Variants in PGCKA1 observed in about 807,000 individuals in gnomAD.
PGCKA1 encodes the protein PDCD10 and GCKIII kinases associated 1, also known as PDCD10 and GCKIII kinases-associated protein 1.
chr4:37,456,503 A>G, the PGCKA1 span, among the ~76,000 whole-genome samples: 2 of 152,248 alleles, frequency 1.3e-5, no homozygotes, highest in Admixed American at 1.3e-4. Flanking sequence ...TGTAGAAAAG[A>G]TGTTCCAGAG....
chr4:37,590,321 C>T, the PGCKA1 span: 2 of 1,613,712 alleles, frequency 1.2e-6, no homozygotes, highest in South Asian at 1.1e-5. Flanking sequence ...CAGGGGGACG[C>T]TGGAGGGGAA....
chr4:37,514,774 C>G, the PGCKA1 span, among the ~76,000 whole-genome samples: 1 of 152,224 alleles, frequency 6.6e-6, no homozygotes, highest in African/African-American at 2.4e-5. Context: ...TCCTACCCCA[C>G]TTGGCATTAG....
chr4:37,466,838 C>T, the PGCKA1 span, among the ~76,000 whole-genome samples: 1 of 152,188 alleles, frequency 6.6e-6, no homozygotes, highest in Non-Finnish European at 1.5e-5. Context: ...TGGCTTATAC[C>T]TGTAATCCCA....
At chr4:37,479,527 A>G in the PGCKA1 span, among the ~76,000 whole-genome samples, 1 of 152,240 alleles carries the variant, frequency 6.6e-6, no homozygotes, top group African/African-American at 2.4e-5. Context: ...TTCAGTAGGA[A>G]CAAGTATAAT....
the PGCKA1 span, among the ~76,000 whole-genome samples, chr4:37,492,546 C>T: frequency 6.6e-6 from 1 of 152,148 alleles, no homozygotes; most frequent in East Asian, 1.9e-4. This position sits in a 1 kb window ranked among gnomAD's most constrained non-coding sequence, Gnocchi z 4.7. Flanking sequence ...GACCTTGCTG[C>T]CAGGAGGTGA....
the PGCKA1 span, among the ~76,000 whole-genome samples, chr4:37,529,728 T>A: frequency 1.3e-5 from 2 of 152,188 alleles, no homozygotes; most frequent in Non-Finnish European, 2.9e-5. Flanking sequence ...GCTGGCTCTT[T>A]CATCGGTGTT....
the PGCKA1 span, among the ~76,000 whole-genome samples, chr4:37,556,254 T>G: frequency 1.8e-5 from 2 of 114,282 alleles, no homozygotes; most frequent in African/African-American, 3.7e-5. Flanking sequence ...CTTTTTCTTT[T>G]TTTTGTTTTG....
the PGCKA1 span, among the ~76,000 whole-genome samples, chr4:37,580,623 G>T: frequency 6.6e-6 from 1 of 152,192 alleles, no homozygotes; most frequent in African/African-American, 2.4e-5. Flanking sequence ...TTCTCTCTCT[G>T]TACTGAGCCA....
chr4:37,549,002 A>G, the PGCKA1 span, among the ~76,000 whole-genome samples: 1 of 152,182 alleles, frequency 6.6e-6, no homozygotes, highest in Non-Finnish European at 1.5e-5. Flanking sequence ...CCAGGATTCT[A>G]CAGCCTGGAG....
At chr4:37,503,406 C>T in the PGCKA1 span, among the ~76,000 whole-genome samples, 1 of 152,154 alleles carries the variant, frequency 6.6e-6, no homozygotes, top group Admixed American at 6.5e-5. Context: ...TCAGTGACAG[C>T]TGTTCCACCT....
the PGCKA1 span, among the ~76,000 whole-genome samples, chr4:37,587,242 C>G: frequency 3.3e-5 from 5 of 152,134 alleles, no homozygotes; most frequent in Non-Finnish European, 7.3e-5. Flanking sequence ...AGAGTCCACC[C>G]AGATAAACTA....
At chr4:37,536,571 C>T in the PGCKA1 span, among the ~76,000 whole-genome samples, 1 of 152,134 alleles carries the variant, frequency 6.6e-6, no homozygotes, top group Non-Finnish European at 1.5e-5. Flanking sequence ...CACTTCCAAG[C>T]TCACTCGTGT....
At chr4:37,514,016 A>G in the PGCKA1 span, among the ~76,000 whole-genome samples, 2 of 152,246 alleles carry the variant, frequency 1.3e-5, no homozygotes, top group African/African-American at 4.8e-5. Flanking sequence ...TTTATAATGA[A>G]CAGAAATTCA....
At chr4:37,499,416 C>T in the PGCKA1 span, among the ~76,000 whole-genome samples, 1 of 152,118 alleles carries the variant, frequency 6.6e-6, no homozygotes, top group African/African-American at 2.4e-5. Context: ...TCATAAAATT[C>T]GTCTGTGAAT....
At chr4:37,552,781 C>T in the PGCKA1 span, among the ~76,000 whole-genome samples, 3 of 152,180 alleles carry the variant, frequency 2.0e-5, no homozygotes, top group Non-Finnish European at 4.4e-5. Context: ...GTAGGTCATG[C>T]TTTGTAATAT....
chr4:37,458,937 T>TCACCAAA, the PGCKA1 span, among the ~76,000 whole-genome samples: 1 of 152,202 alleles, frequency 6.6e-6, no homozygotes, highest in Non-Finnish European at 1.5e-5. Flanking sequence ...GCAAAATTCC[T>TCACCAAA]ATTTTACAGG....
At chr4:37,504,900 A>G in the PGCKA1 span, among the ~76,000 whole-genome samples, 2 of 152,280 alleles carry the variant, frequency 1.3e-5, no homozygotes, top group African/African-American at 2.4e-5. Flanking sequence ...TCAAATCTGG[A>G]TGCCCTTTAT....
the PGCKA1 span, among the ~76,000 whole-genome samples, chr4:37,502,133 T>C: frequency 6.6e-6 from 1 of 152,176 alleles, no homozygotes; most frequent in Admixed American, 6.5e-5. Context: ...GGCACTACAC[T>C]CTGATGGGTG....
At chr4:37,470,063 T>C in the PGCKA1 span, among the ~76,000 whole-genome samples, 1 of 152,216 alleles carries the variant, frequency 6.6e-6, no homozygotes, top group African/African-American at 2.4e-5. Context: ...AAATATGTAT[T>C]GAACATCTCC....
Sources: gnomAD v4.1 joint callset for allele counts (sites outside exome capture counted in the v4.1 genomes callset) on GRCh38, gnomAD v4.1.1 for gene constraint, Gnocchi (gnomAD v3.1) non-coding constraint, MANE v1.5 for transcripts, NCBI Gene and HGNC (gene_info 2026-07-23, HGNC 2026-07-21) for gene names.